KIF16B: variants seen among roughly 807,000 people sequenced by gnomAD.
KIF16B encodes kinesin family member 16B.
A neutral mutation model predicts 156.3 loss-of-function variants in KIF16B; 98 were observed. That is an observed-to-expected ratio of 0.63 (90% CI 0.53 to 0.74). The LOEUF (loss-of-function observed/expected upper bound fraction) is 0.74, where lower values mean the gene tolerates loss of function less well. Among genes scored for constraint, KIF16B ranks in the 30% least tolerant of loss-of-function variants. The pLI, the probability that KIF16B is intolerant of heterozygous loss-of-function variation, is 0.00. For missense variants in KIF16B, 1,421 were observed against 1,606.5 expected (o/e 0.88, Z 1.97); for synonymous variants, 564 against 583.7 (o/e 0.97, Z 0.49).
intron 12 of KIF16B, among the ~76,000 whole-genome samples, chr20:16,457,135 A>G (rs1273375745): frequency 6.6e-6 from 1 of 151,976 alleles, no homozygotes; most frequent in Non-Finnish European, 1.5e-5. Context: ...AACAAACAAC[A>G]CTTCATTTTG....
intron 25 of KIF16B, among the ~76,000 whole-genome samples, chr20:16,310,738 A>G (rs2063607668): frequency 6.6e-6 from 1 of 152,148 alleles, no homozygotes; most frequent in Admixed American, 6.5e-5. Flanking sequence ...ACTCACCGCA[A>G]TAATCTTTTC....
Position 16,380,017 on chromosome 20 carries a change from C to G in KIF16B, c.1985G>C (p.Ser662Thr). 6.2e-7 allele frequency: 1 copy of G among 1,600,252 alleles called. No individual in the cohort carries two copies. The highest frequency in any genetic ancestry group is 8.5e-7 in the Non-Finnish European group (1 of 1,174,778). The stretch of plus-strand genomic sequence containing the variant: ...CTTTAGCTTGTTCTCGATGTGGAAG[C>G]TGCGGCGTTTGAGGCTCTCCTCCTG... Reference protein sequence around the residue: ...RKQEESLKRRSFHIENKLKDL... With the variant: ...RKQEESLKRRTFHIENKLKDL... Residue 662 changes from serine (S) to threonine (T), a missense_variant, in exon 19 of 26, where the codon AGC (serine) becomes ACC (threonine). By Grantham distance (58) the Ser-to-Thr change is moderately conservative. Coordinates refer to ENST00000354981, the MANE Select transcript of KIF16B (RefSeq NM_024704.5).
intron 24 of KIF16B, among the ~76,000 whole-genome samples, chr20:16,315,628 C>G (rs1298584044): frequency 6.6e-6 from 1 of 152,196 alleles, no homozygotes; most frequent in East Asian, 1.9e-4. Flanking sequence ...TGCTGAGGAC[C>G]TGCACCCTTG....
intron 25 of KIF16B, among the ~76,000 whole-genome samples, chr20:16,287,799 C>T (rs1415840623): frequency 1.3e-5 from 2 of 152,206 alleles, no homozygotes; most frequent in African/African-American, 4.8e-5. Flanking sequence ...ACCTGCTTTT[C>T]TCCAGAGCAC....
intron 1 of KIF16B, among the ~76,000 whole-genome samples, chr20:16,545,482 T>C (rs937264323): frequency 6.6e-6 from 1 of 151,648 alleles, no homozygotes; most frequent in Non-Finnish European, 1.5e-5. Flanking sequence ...CTGGCCAACA[T>C]AGTGAAACCC....
intron 1 of KIF16B, among the ~76,000 whole-genome samples, chr20:16,537,607 C>G (rs1252000285): frequency 1.3e-5 from 2 of 151,998 alleles, no homozygotes; most frequent in Admixed American, 6.6e-5. Context: ...GTGGGTCTCC[C>G]TATGTGCCCC....
chr20:16,341,160 C>T (rs2064133988), intron 23 of KIF16B, among the ~76,000 whole-genome samples: 1 of 152,182 alleles, frequency 6.6e-6, no homozygotes, highest in African/African-American at 2.4e-5. Flanking sequence ...TAAATCCACA[C>T]TTAACATCGG....
intron 4 of KIF16B, among the ~76,000 whole-genome samples, chr20:16,514,830 G>A (rs1453556801): frequency 7.2e-6 from 1 of 137,946 alleles, no homozygotes; most frequent in African/African-American, 2.7e-5. Context: ...AGCTTGCAGC[G>A]AGCTGAGATC....
In KIF16B at chr20:16,371,764, G is replaced by T. The variant is rs1198181994; in HGVS notation, c.3351-3C>A. 2 of 1,602,556 alleles carry T rather than the reference G, an allele frequency of 1.2e-6. No homozygotes were observed. Among genetic ancestry groups the T allele is most frequent in the East Asian group, 4.5e-5 (2 of 44,834 alleles). On this transcript the variant is annotated splice_region_variant and splice_polypyrimidine_tract_variant and intron_variant, in intron 20 of 25. Coordinates refer to ENST00000354981, the MANE Select transcript of KIF16B (RefSeq NM_024704.5). ...CTTCTTCAATGTAAGCATTGATCCTGTAACACAATGGAGATGGAGTAGATC... is the reference window on the plus strand; with the variant it reads ...CTTCTTCAATGTAAGCATTGATCCTTTAACACAATGGAGATGGAGTAGATC...
rs534655785 is a variant in KIF16B at position 16,440,770 on chromosome 20, G to GGCA, written c.1303-10791_1303-10789dup. On this transcript the variant is annotated intron_variant, in intron 12 of 25. Transcript: ENST00000354981. Reference sequence around the variant, plus strand: ...CCTTTTAATGAACAGAAACTCTTGGGGCAGTTCAATTTCCACTACACTTCC... The same window carrying GGCA: ...CCTTTTAATGAACAGAAACTCTTGGGGCAGCAGTTCAATTTCCACTACACTTCC... 3.3e-3 allele frequency among the ~76,000 whole-genome samples: 502 copies of GGCA among 152,132 alleles called. 2 individuals are homozygous for GGCA. The highest frequency in any genetic ancestry group is 0.012 in the African/African-American group (482 of 41,506).
intron 25 of KIF16B, among the ~76,000 whole-genome samples, chr20:16,302,317 A>G (rs375244636): frequency 3.9e-4 from 60 of 152,240 alleles, no homozygotes; most frequent in African/African-American, 1.3e-3. Context: ...CTGTGTCTAG[A>G]TTGGTTTTTT....
intron 15 of KIF16B, among the ~76,000 whole-genome samples, chr20:16,424,083 C>A (rs185327174): frequency 2.1e-3 from 313 of 152,134 alleles, no homozygotes; most frequent in Non-Finnish European, 1.6e-3. Context: ...GAGCCCTTGT[C>A]CCACTGCAAA....
At chr20:16,419,967 T>C (rs2066184859) in intron 15 of KIF16B, among the ~76,000 whole-genome samples, 1 of 152,156 alleles carries the variant, frequency 6.6e-6, no homozygotes, top group Admixed American at 6.6e-5. Context: ...CTTGGTAAAA[T>C]TCACACTTTC....
rs1243687691 is a variant in KIF16B, at chr20:16,504,499, C to T, written c.1049G>A (p.Arg350His). 9 of 1,613,916 alleles carry T rather than the reference C, an allele frequency of 5.6e-6. No homozygotes were observed. Among genetic ancestry groups the T allele is most frequent in the South Asian group, 2.2e-5 (2 of 91,058 alleles). ...GATGTTTTTGGCTCTATTTGCATAG[C>T]GAAGAGTACTTAGGGTTTCTCCATA... ...VNYGETLSTL[R>H]YANRAKNIIN... Residue 350 changes from arginine (R) to histidine (H), a missense_variant, in exon 10 of 26, where the codon CGC becomes CAC. Transcript: ENST00000354981.
In KIF16B at chr20:16,329,219, A is replaced by G. The variant is rs546044842; in HGVS notation, c.3711+6707T>C. Among the ~76,000 whole-genome samples, 4 of 152,290 alleles carry G rather than the reference A, an allele frequency of 2.6e-5. No individual in the cohort carries two copies. The East Asian group carries it at 7.7e-4, about 29-fold the overall frequency. Reference sequence around the variant, plus strand: ...ATGGATGAAAAAGAGATGTGGTTTTAAAAGTTTTTTTCTCTTCAGCTTGAT... The same window carrying G: ...ATGGATGAAAAAGAGATGTGGTTTTGAAAGTTTTTTTCTCTTCAGCTTGAT... On this transcript the variant is annotated intron_variant, in intron 24 of 25. Coordinates refer to ENST00000354981, the MANE Select transcript of KIF16B (RefSeq NM_024704.5).
At chr20:16,315,058 G>A (rs1242018886) in intron 24 of KIF16B, among the ~76,000 whole-genome samples, 4 of 152,022 alleles carry the variant, frequency 2.6e-5, no homozygotes, top group Non-Finnish European at 4.4e-5. Flanking sequence ...TTTCTGTCAG[G>A]GGAAATTTAT....
At chr20:16,388,520 A>T (rs2065279816) in intron 17 of KIF16B, among the ~76,000 whole-genome samples, 1 of 152,206 alleles carries the variant, frequency 6.6e-6, no homozygotes, top group Non-Finnish European at 1.5e-5. Context: ...AATTAAAAGG[A>T]AACCACAAAG....
Position 16,429,937 on chromosome 20 carries a change from C to A in KIF16B, c.1348G>T (p.Asp450Tyr). Residue 450 changes from aspartate to tyrosine, a missense_variant, in exon 13 of 26, where the codon GAT becomes TAT. Asp to Tyr is a radical substitution (Grantham distance 160). Transcript: ENST00000354981. ...CCAATCAAATGAGGCAGTTCAGAAT[C>A]CAAAACAACTCCAATCCCTTCTTTC... ...LRKEGIGVVL[D>Y]SELPHLIGID... The A allele has an allele frequency of 6.2e-7, 1 of 1,613,076 alleles. No homozygotes were observed. The highest frequency in any genetic ancestry group is 8.5e-7 in the Non-Finnish European group (1 of 1,179,454).
intron 12 of KIF16B, among the ~76,000 whole-genome samples, chr20:16,481,428 C>A (rs2067981705): frequency 6.6e-6 from 1 of 152,146 alleles, no homozygotes; most frequent in Admixed American, 6.5e-5. Flanking sequence ...TGGCCTCAAG[C>A]AATCCTCCTA....
Sources: gnomAD v4.1 joint callset for allele counts (sites outside exome capture counted in the v4.1 genomes callset) on GRCh38, gnomAD v4.1.1 for gene constraint, MANE v1.5 for transcripts, NCBI Gene and HGNC (gene_info 2026-07-23, HGNC 2026-07-21) for gene names.